MTA3: variants seen among roughly 807,000 people sequenced by gnomAD.
MTA3 encodes metastasis-associated protein MTA3.
In MTA3, 34 loss-of-function variants were observed where a neutral mutation model predicts 83.5. That is an observed-to-expected ratio of 0.41 (90% CI 0.31 to 0.54). MTA3 has a LOEUF of 0.54. Among genes scored for constraint, MTA3 ranks in the 20% least tolerant of loss-of-function variants. The pLI is 0.33. For missense variants in MTA3, 761 were observed against 726.4 expected, an observed-to-expected ratio of 1.05 and a Z score of -0.55; for synonymous variants, 303 against 252.7, an observed-to-expected ratio of 1.20 and a Z score of -1.89.
In MTA3 at chr2:42,576,790, G is replaced by A. The variant is rs544528985; in HGVS notation, c.97-2317G>A. On this transcript the variant is annotated intron_variant, in intron 2 of 16. Transcript: ENST00000405094. ...CGCATGCCTGTAATCCCAGCTACTC[G>A]GGAGGCTGAGGCAGGAGAATCGCTT... Among the ~76,000 whole-genome samples the A allele has an allele frequency of 5.9e-5, 9 of 152,264 alleles. No homozygotes were observed. The South Asian group carries it at 1.0e-3, about 18-fold the overall frequency.
At chr2:42,504,792 TG>T (rs1485515574) in intron 2 of MTA3, among the ~76,000 whole-genome samples, 2 of 152,136 alleles carry the variant, frequency 1.3e-5, no homozygotes, top group Admixed American at 6.6e-5. Flanking sequence ...CTACCACAGT[TG>T]GCCCCTTTTT....
intron 16 of MTA3, 120 bp from the exon 17 acceptor site, chr2:42,753,254 C>T: frequency 6.6e-7 from 1 of 1,512,738 alleles, no homozygotes. Context: ...CTTTGACCTA[C>T]TGCTGAGCCT....
intron 2 of MTA3, among the ~76,000 whole-genome samples, chr2:42,548,384 T>C (rs374391532): frequency 6.6e-6 from 1 of 152,140 alleles, no homozygotes; most frequent in African/African-American, 2.4e-5. Flanking sequence ...AAGAATTGCT[T>C]GAGCCTGGGA....
At chr2:42,699,108 T>G (rs553386537) in intron 11 of MTA3, among the ~76,000 whole-genome samples, 2 of 152,320 alleles carry the variant, frequency 1.3e-5, no homozygotes, top group South Asian at 4.1e-4. Flanking sequence ...TACGCTGACT[T>G]TGGAGTCAAT....
intron 4 of MTA3, among the ~76,000 whole-genome samples, chr2:42,615,073 C>G (rs989986256): frequency 6.6e-6 from 1 of 151,376 alleles, no homozygotes; most frequent in Non-Finnish European, 1.5e-5. Context: ...GGTGGATCAA[C>G]TGAGGTCAGG....
At chr2:42,591,147 T>G (rs568763035) in intron 3 of MTA3, among the ~76,000 whole-genome samples, 25 of 152,192 alleles carry the variant, frequency 1.6e-4, no homozygotes. Context: ...GGCTATGTGG[T>G]ATAGCCTATT....
At chr2:42,498,337 T>C (rs1004496432) in intron 2 of MTA3, among the ~76,000 whole-genome samples, 2 of 152,162 alleles carry the variant, frequency 1.3e-5, no homozygotes, top group Admixed American at 1.3e-4. Flanking sequence ...CTGTAGAAGG[T>C]GTTCAGAAGA....
At chr2:42,524,731 G>T (rs113315222) in intron 2 of MTA3, among the ~76,000 whole-genome samples, 1 of 151,436 alleles carries the variant, frequency 6.6e-6, no homozygotes, top group East Asian at 1.9e-4. Flanking sequence ...CCCAATCTTG[G>T]GGTGATGCTT....
chr2:42,686,336 CTTTACAGTTT>C (rs983205933), intron 9 of MTA3, among the ~76,000 whole-genome samples: 2 of 152,152 alleles, frequency 1.3e-5, no homozygotes, highest in African/African-American at 4.8e-5. Flanking sequence ...AAATTCACTC[CTTTACAGTTT>C]TTTACAGTTA....
Position 42,754,834 on chromosome 2 carries a change from C to G in MTA3, c.*1435C>G. On this transcript the variant is annotated 3_prime_UTR_variant, in exon 17 of 17. Coordinates refer to ENST00000405094, the MANE Select transcript of MTA3 (RefSeq NM_001330442.2). ...TAATGATGCTGTAGATGTCTGTGTC[C>G]TCGGAGGCTGAGCTCCGCTTGGCAG... The G allele has an allele frequency of 4.1e-6, 4 of 985,520 alleles. No individual in the cohort carries two copies. The highest frequency in any genetic ancestry group is 4.8e-6 in the Non-Finnish European group (4 of 829,992). The allele number at this position is 985,520 out of a possible 1,614,324, so 61.0% of individuals were successfully genotyped here. A position where few individuals can be genotyped will look rare whatever the true frequency, so the allele number is the denominator to read the frequency against.
At chr2:42,644,011 A>G in intron 5 of MTA3, 116 bp from the exon 6 acceptor site, 1 of 565,032 alleles carries the variant, frequency 1.8e-6, no homozygotes, top group Non-Finnish European at 2.9e-6. Context: ...ATTCACCAAA[A>G]TGAAATTTTA....
chr2:42,532,907 T>C, intron 2 of MTA3: 1 of 297,752 alleles, frequency 3.4e-6, no homozygotes, highest in South Asian at 3.8e-5. Context: ...TTCCTGACCA[T>C]TTTCCTTCAC....
chr2:42,692,245 C>T (rs939312801), intron 9 of MTA3, among the ~76,000 whole-genome samples: 9 of 152,216 alleles, frequency 5.9e-5, no homozygotes, highest in Admixed American at 4.6e-4. Context: ...ATTAGTTCCA[C>T]TATTAAGTGA....
At chr2:42,511,368 AC>A (rs1050197418) in intron 2 of MTA3, among the ~76,000 whole-genome samples, 5 of 151,650 alleles carry the variant, frequency 3.3e-5, no homozygotes, top group African/African-American at 4.8e-5. Context: ...AAAAAAAAAA[AC>A]CTCAGGCATT....
At chr2:42,615,210 G>A (rs1207932595) in intron 4 of MTA3, among the ~76,000 whole-genome samples, 1 of 150,456 alleles carries the variant, frequency 6.6e-6, no homozygotes, top group Non-Finnish European at 1.5e-5. Flanking sequence ...AGAATTGCTT[G>A]ACTTCATCTT....
At chr2:42,585,595 C>A in intron 3 of MTA3, among the ~76,000 whole-genome samples, 1 of 151,510 alleles carries the variant, frequency 6.6e-6, no homozygotes, top group Non-Finnish European at 1.5e-5. Context: ...CTGCCTCAGC[C>A]TTCTGAGTAG....
intron 8 of MTA3, among the ~76,000 whole-genome samples, chr2:42,678,564 A>T (rs1270718517): frequency 6.6e-6 from 1 of 152,132 alleles, no homozygotes; most frequent in Non-Finnish European, 1.5e-5. Flanking sequence ...CCTGACCTCA[A>T]GTGATCCGCC....
intron 4 of MTA3, among the ~76,000 whole-genome samples, chr2:42,622,762 G>T (rs1054828662): frequency 6.6e-6 from 1 of 152,026 alleles, no homozygotes; most frequent in African/African-American, 2.4e-5. Context: ...AAAGTGCTGG[G>T]ATTATAGGTG....
chr2:42,615,482 A>G (rs183878074), intron 4 of MTA3, among the ~76,000 whole-genome samples: 2 of 151,366 alleles, frequency 1.3e-5, no homozygotes, highest in Non-Finnish European at 2.9e-5. Flanking sequence ...CTGCCTCCCT[A>G]ATAGCTGGGA....
Sources: gnomAD v4.1 joint callset for allele counts (sites outside exome capture counted in the v4.1 genomes callset) on GRCh38, gnomAD v4.1.1 for gene constraint, MANE v1.5 for transcripts, NCBI Gene and HGNC (gene_info 2026-07-23, HGNC 2026-07-21) for gene names.